MOXD1: variants seen among roughly 807,000 people sequenced by gnomAD.
The protein encoded by MOXD1 is monooxygenase DBH like 1.
In MOXD1, 62 loss-of-function variants were observed where a neutral mutation model predicts 66.6. The observed-to-expected ratio is 0.93, with a 90% CI of 0.76 to 1.15. The LOEUF (loss-of-function observed/expected upper bound fraction) is 1.15, where lower values mean the gene tolerates loss of function less well. Ranked by LOEUF, MOXD1 falls within the 50% of genes most tolerant of loss-of-function variation. The pLI, the probability that MOXD1 is intolerant of heterozygous loss-of-function variation, is 0.00. For synonymous variants in MOXD1, 303 were observed against 281.9 expected (o/e 1.07, Z -0.75); for missense variants, 847 against 754.6 (o/e 1.12, Z -1.44).
At chr6:132,344,958 C>T (rs975676911) in intron 4 of MOXD1, among the ~76,000 whole-genome samples, 6 of 152,108 alleles carry the variant, frequency 3.9e-5, no homozygotes, top group East Asian at 3.9e-4. Context: ...ACCCAGGACC[C>T]GCCAAACAGC....
At chr6:132,352,168 G>C (rs1775814554) in intron 4 of MOXD1, among the ~76,000 whole-genome samples, 1 of 151,984 alleles carries the variant, frequency 6.6e-6, no homozygotes, top group African/African-American at 2.4e-5. Context: ...CCTTTCTTCT[G>C]CTGGGTTTCG....
chr6:132,314,556 C>T (rs889030568), intron 10 of MOXD1, among the ~76,000 whole-genome samples: 6 of 152,230 alleles, frequency 3.9e-5, no homozygotes, highest in African/African-American at 1.4e-4. Flanking sequence ...ATACTTCACT[C>T]TTCTGCAGCC....
chr6:132,312,598 CT>C (rs10710763), intron 10 of MOXD1, among the ~76,000 whole-genome samples: 63,619 of 146,484 alleles, frequency 0.43, 14,535 homozygotes, highest in East Asian at 0.69. Context: ...GGGTTTTGTC[CT>C]TTTTTTTTTT....
intron 4 of MOXD1, among the ~76,000 whole-genome samples, chr6:132,349,426 T>C (rs1423933034): frequency 0.06 from 3,585 of 60,002 alleles, 876 homozygotes; most frequent in African/African-American, 0.28. Context: ...TATATACATA[T>C]ATATATATAC....
chr6:132,354,783 GGCTAGGTGTGTCTGA>G (rs1562291537), intron 4 of MOXD1, among the ~76,000 whole-genome samples: 1 of 152,122 alleles, frequency 6.6e-6, no homozygotes, highest in Non-Finnish European at 1.5e-5. Flanking sequence ...GTGGGGGCAG[GGCTAGGTGTGTCTGA>G]GCTCAGACTC....
intron 1 of MOXD1, among the ~76,000 whole-genome samples, chr6:132,381,987 A>C (rs1420478422): frequency 1.3e-5 from 2 of 152,112 alleles, no homozygotes; most frequent in Non-Finnish European, 2.9e-5. Context: ...ACTCATGGTA[A>C]AGGCCATTCC....
At chr6:132,398,672 G>A (rs961988472) in intron 1 of MOXD1, among the ~76,000 whole-genome samples, 13 of 152,020 alleles carry the variant, frequency 8.6e-5, no homozygotes, top group Non-Finnish European at 5.9e-5. Flanking sequence ...TGGCGTGGTG[G>A]CTCACGCCTG....
rs1776718497 is a variant in MOXD1, at chr6:132,389,744, A to T, written c.264+11419T>A. Among the ~76,000 whole-genome samples the T allele has an allele frequency of 1.3e-5, 2 of 151,452 alleles. 1 individual carries two copies. The highest frequency in any genetic ancestry group is 4.3e-4 in the South Asian group (2 of 4,700). On this transcript the variant is annotated intron_variant, in intron 1 of 11. Coordinates refer to ENST00000367963, the MANE Select transcript of MOXD1 (RefSeq NM_015529.4). ...CTGCAATCTGCCATAGCATGAACTC[A>T]TCTTGGCCCTATCCAAAAGGATCTG... is the stretch of plus-strand genomic sequence containing the variant.
At chr6:132,301,850 A>G (rs1316793414) in intron 10 of MOXD1, among the ~76,000 whole-genome samples, 1 of 152,180 alleles carries the variant, frequency 6.6e-6, no homozygotes, top group East Asian at 1.9e-4. Context: ...GCACAGAACT[A>G]TGATCCCCAA....
chr6:132,340,708 G>A (rs1168633175), intron 4 of MOXD1, among the ~76,000 whole-genome samples: 2 of 139,502 alleles, frequency 1.4e-5, no homozygotes, highest in Non-Finnish European at 1.5e-5. Context: ...GTGCAGTGGC[G>A]CGATCTCTGC....
At chr6:132,300,303 C>T (rs1372741846) in intron 10 of MOXD1, among the ~76,000 whole-genome samples, 1 of 152,096 alleles carries the variant, frequency 6.6e-6, no homozygotes, top group Non-Finnish European at 1.5e-5. Flanking sequence ...GAATTAGTAT[C>T]AAGCAAAAAC....
In MOXD1 at chr6:132,374,840, G is replaced by A. The variant is rs761339754; in HGVS notation, c.265-63C>T. ...AATACAGAGAGAAAAGAATTCATAG[G>A]ACCTTTAAAGACAAAGTCTTGTTGT... On this transcript the variant is annotated intron_variant, in intron 1 of 11. Coordinates refer to ENST00000367963, the MANE Select transcript of MOXD1 (RefSeq NM_015529.4). 1.3e-5 allele frequency: 18 copies of A among 1,435,900 alleles called. No homozygotes were observed. The East Asian group carries it at 3.5e-4, about 28-fold the overall frequency. 88.9% of individuals were successfully genotyped at this position (1,435,900 alleles called of 1,614,324 possible). A position where few individuals can be genotyped will look rare whatever the true frequency, so the allele number is the denominator to read the frequency against.
intron 4 of MOXD1, among the ~76,000 whole-genome samples, chr6:132,338,575 C>T (rs1238456646): frequency 1.3e-5 from 2 of 152,198 alleles, no homozygotes; most frequent in Non-Finnish European, 2.9e-5. Context: ...CCTTGCCTTA[C>T]TCTCCCCACC....
intron 4 of MOXD1, among the ~76,000 whole-genome samples, chr6:132,333,837 T>C (rs1170321110): frequency 6.6e-6 from 1 of 152,106 alleles, no homozygotes; most frequent in Non-Finnish European, 1.5e-5. Context: ...TTAACTACTG[T>C]GTGTATTAAA....
At position 132,334,666 on chromosome 6, in the gene MOXD1, C is replaced by A. The variant is rs574392691; in HGVS notation, c.664-6072G>T. On this transcript the variant is annotated intron_variant, in intron 4 of 11. Coordinates refer to ENST00000367963, the MANE Select transcript of MOXD1 (RefSeq NM_015529.4). ...CCTAAAACCTTTCCCAATTTATGCA[C>A]ACCTCCTAATCAGCTCTCAGCAAAT... Among the ~76,000 whole-genome samples the A allele has an allele frequency of 1.6e-4, 24 of 152,322 alleles. 1 individual carries two copies. Among genetic ancestry groups the A allele is most frequent in the African/African-American group, 5.5e-4 (23 of 41,572 alleles).
At chr6:132,380,889 T>C (rs1444703904) in intron 1 of MOXD1, among the ~76,000 whole-genome samples, 1 of 152,120 alleles carries the variant, frequency 6.6e-6, no homozygotes, top group Non-Finnish European at 1.5e-5. Flanking sequence ...AATCTGGGAA[T>C]GTTGTTGTGA....
intron 1 of MOXD1, chr6:132,391,590 G>A (rs1180137513): frequency 6.6e-6 from 1 of 151,952 alleles, no homozygotes. Context: ...CAGTTTTTTT[G>A]TATTACGTAT....
chr6:132,357,441 C>T (rs893557077), intron 4 of MOXD1, among the ~76,000 whole-genome samples: 10 of 151,996 alleles, frequency 6.6e-5, no homozygotes, highest in African/African-American at 1.7e-4. Flanking sequence ...AAATCAGGTT[C>T]ATCTGGCAGT....
chr6:132,297,096 A>G lies in MOXD1; in HGVS notation c.*57T>C. The G allele has an allele frequency of 1.3e-6, 2 of 1,552,868 alleles. No homozygotes were observed. Among genetic ancestry groups the G allele is most frequent in the South Asian group, 2.3e-5 (2 of 86,462 alleles). On this transcript the variant is annotated 3_prime_UTR_variant, in exon 12 of 12. Coordinates refer to ENST00000367963, the MANE Select transcript of MOXD1 (RefSeq NM_015529.4). ...AAAGTGGACACAGTCTTTAACCTGT[A>G]CTTCAAATGACAGGTTCAGATCATA...
Sources: gnomAD v4.1 joint callset for allele counts (sites outside exome capture counted in the v4.1 genomes callset) on GRCh38, gnomAD v4.1.1 for gene constraint, MANE v1.5 for transcripts, NCBI Gene and HGNC (gene_info 2026-07-23, HGNC 2026-07-21) for gene names.